PRCP: variants seen among roughly 807,000 people sequenced by gnomAD.
PRCP encodes lysosomal Pro-X carboxypeptidase.
In PRCP, 46 loss-of-function variants were observed where a neutral mutation model predicts 54.2. The observed-to-expected ratio is 0.85, with a 90% CI of 0.67 to 1.09. The LOEUF (loss-of-function observed/expected upper bound fraction) is 1.09. Among genes scored for constraint, PRCP ranks in the 50% least tolerant of loss-of-function variants. The probability of loss-of-function intolerance (pLI) is 0.00; values close to 1 mark genes in which losing one functional copy is unlikely to be tolerated. For missense variants in PRCP, 613 were observed against 596.8 expected, an observed-to-expected ratio of 1.03 and a Z score of -0.28; for synonymous variants, 240 against 212.2, an observed-to-expected ratio of 1.13 and a Z score of -1.14.
At chr11:82,826,621 A>G (rs967780504) in intron 8 of PRCP, 1 of 152,174 alleles carries the variant, frequency 6.6e-6, no homozygotes, top group Non-Finnish European at 1.5e-5. Flanking sequence ...ACTTATTATT[A>G]TCTGTCTATT....
intron 1 of PRCP, among the ~76,000 whole-genome samples, chr11:82,880,101 C>T (rs1363404120): frequency 6.6e-6 from 1 of 152,244 alleles, no homozygotes; most frequent in Admixed American, 6.5e-5. Flanking sequence ...GAAGTTTCTG[C>T]TGCCTTTTGT....
At chr11:82,853,315 A>G (rs17144337) in intron 2 of PRCP, 37 bp from the exon 3 acceptor site, 84,508 of 1,554,818 alleles carry the variant, frequency 0.054, 5,336 homozygotes, top group African/African-American at 0.3. Context: ...ATAAAATCAG[A>G]ATGTGAAAAA....
In PRCP at chr11:82,850,416, T is replaced by A; in HGVS notation, c.501A>T (p.Gly167=). Reference sequence around the variant, plus strand: ...TGGCAATGACAGGTTGATTTTCAGCTCCTGGGATTGTTCTTTTCAAGTGTT... The same window carrying A: ...TGGCAATGACAGGTTGATTTTCAGCACCTGGGATTGTTCTTTTCAAGTGTT... ...LIKHLKRTIP[G]AENQPVIAIG... is the part of the protein sequence containing the mutation. Residue 167 remains glycine, a synonymous_variant, in exon 4 of 9, where the codon GGA becomes GGT. Coordinates refer to ENST00000313010, the MANE Select transcript of PRCP (RefSeq NM_005040.4). 6 of 1,607,414 alleles carry A rather than the reference T, an allele frequency of 3.7e-6. No individual in the cohort carries two copies. Among genetic ancestry groups the A allele is most frequent in the Non-Finnish European group, 5.1e-6 (6 of 1,176,364 alleles).
chr11:82,838,747 A>T (rs1591040289), intron 7 of PRCP, among the ~76,000 whole-genome samples, 173 bp from the exon 8 acceptor site: 1 of 152,340 alleles, frequency 6.6e-6, no homozygotes, highest in East Asian at 1.9e-4. Context: ...CATTATTCTT[A>T]AAAAGACTTG....
intron 1 of PRCP, among the ~76,000 whole-genome samples, chr11:82,864,417 C>T (rs1346035675): frequency 1.3e-5 from 2 of 152,224 alleles, no homozygotes; most frequent in Non-Finnish European, 2.9e-5. Context: ...CCACGTGCCA[C>T]TCCCTGTTCT....
intron 1 of PRCP, among the ~76,000 whole-genome samples, chr11:82,875,846 C>T (rs1413143896): frequency 2.0e-5 from 3 of 152,170 alleles, no homozygotes; most frequent in Non-Finnish European, 4.4e-5. Context: ...TGGCACCCTG[C>T]TCACCTCTTT....
rs142029185 is a variant in PRCP at position 82,839,424 on chromosome 11, A to G, written c.923T>C (p.Val308Ala). ...LQPLPAWPIKVVCQYLKNPNV... is the reference protein window; with the variant it reads ...LQPLPAWPIKAVCQYLKNPNV... Reference sequence around the variant, plus strand: ...GGGATTTTTCAAATACTGGCACACTACCTGTCATTTTAGAAAGATAAATGG... The same window carrying G: ...GGGATTTTTCAAATACTGGCACACTGCCTGTCATTTTAGAAAGATAAATGG... Residue 308 changes from valine (V) to alanine (A), a missense_variant and splice_region_variant, in exon 7 of 9, where the codon GTA becomes GCA. By Grantham distance (64) the Val-to-Ala change is moderately conservative. Transcript: ENST00000313010. 16 of 1,608,434 alleles carry G rather than the reference A, an allele frequency of 9.9e-6. No individual in the cohort carries two copies. Among genetic ancestry groups the G allele is most frequent in the Middle Eastern group, 1.7e-4 (1 of 5,744 alleles).
chr11:82,900,444 G>A (rs1860251615), upstream of PRCP: 1 of 1,598,638 alleles, frequency 6.3e-7, no homozygotes, highest in Admixed American at 1.7e-5. Context: ...AGGGCGAAAA[G>A]GAGGCCAGCA....
intron 1 of PRCP, among the ~76,000 whole-genome samples, chr11:82,872,285 T>C (rs1591063133): frequency 6.6e-6 from 1 of 152,144 alleles, no homozygotes; most frequent in Admixed American, 6.6e-5. Flanking sequence ...CTACTTTAAA[T>C]TGAAAGTCAT....
rs142106089 is a variant in PRCP, at chr11:82,856,353, T to C, written c.310-3075A>G. Reference sequence around the variant, plus strand: ...TACGTAGCCATTAAAAAGAACAAAATAATATCCTTTGCAGTAACATGGATG... The same window carrying C: ...TACGTAGCCATTAAAAAGAACAAAACAATATCCTTTGCAGTAACATGGATG... On this transcript the variant is annotated intron_variant, in intron 2 of 8. Coordinates refer to ENST00000313010, the MANE Select transcript of PRCP (RefSeq NM_005040.4). Among the ~76,000 whole-genome samples, 515 of 152,128 alleles carry C rather than the reference T, an allele frequency of 3.4e-3. 7 individuals carry two copies. Among genetic ancestry groups the C allele is most frequent in the African/African-American group, 0.012 (493 of 41,502 alleles).
At chr11:82,855,265 T>C (rs1294980737) in intron 2 of PRCP, among the ~76,000 whole-genome samples, 1 of 152,052 alleles carries the variant, frequency 6.6e-6, no homozygotes, top group Admixed American at 6.5e-5. Context: ...TGAGAGAAAA[T>C]ATTTGCAAAC....
intron 6 of PRCP, among the ~76,000 whole-genome samples, chr11:82,841,823 T>A (rs1356484695): frequency 6.6e-6 from 1 of 152,192 alleles, no homozygotes; most frequent in African/African-American, 2.4e-5. Flanking sequence ...CTAGGAAATA[T>A]GTCAATAAGA....
At chr11:82,890,376 T>A (rs1218752610) in intron 1 of PRCP, among the ~76,000 whole-genome samples, 2 of 152,208 alleles carry the variant, frequency 1.3e-5, no homozygotes, top group African/African-American at 4.8e-5. Context: ...CCTTCTTACC[T>A]TCATCTGTGC....
At chr11:82,881,176 G>C (rs1048392583) in intron 1 of PRCP, among the ~76,000 whole-genome samples, 1 of 152,214 alleles carries the variant, frequency 6.6e-6, no homozygotes, top group Non-Finnish European at 1.5e-5. Context: ...GTGGGTCATA[G>C]TGTTTTTCTT....
At chr11:82,878,952 G>A (rs115073626) in intron 1 of PRCP, among the ~76,000 whole-genome samples, 4,048 of 152,208 alleles carry the variant, frequency 0.027, 171 homozygotes, top group African/African-American at 0.091. Context: ...CTTTCTCTCC[G>A]GCTACCCTTA....
At chr11:82,860,395 A>G (rs1169934871) in intron 1 of PRCP, among the ~76,000 whole-genome samples, 1 of 152,098 alleles carries the variant, frequency 6.6e-6, no homozygotes, top group Admixed American at 6.5e-5. Flanking sequence ...ACTTAAAAAC[A>G]TAATGTTAAA....
chr11:82,883,348 G>A (rs909427556), intron 1 of PRCP, among the ~76,000 whole-genome samples: 6 of 152,140 alleles, frequency 3.9e-5, no homozygotes, highest in Admixed American at 3.3e-4. Flanking sequence ...GGGAGAGAAA[G>A]GAGGAAGACA....
chr11:82,877,470 T>C (rs536141929), intron 1 of PRCP, among the ~76,000 whole-genome samples: 5 of 152,250 alleles, frequency 3.3e-5, no homozygotes. Flanking sequence ...AGTGGTTACG[T>C]GGGCTGAGCC....
At chr11:82,825,863 T>C (rs1314140173) in intron 8 of PRCP, 1 of 152,186 alleles carries the variant, frequency 6.6e-6, no homozygotes, top group Non-Finnish European at 1.5e-5. Context: ...TTCAGAATAA[T>C]GTAAAGAGAA....
Sources: gnomAD v4.1 joint callset for allele counts (sites outside exome capture counted in the v4.1 genomes callset) on GRCh38, gnomAD v4.1.1 for gene constraint, MANE v1.5 for transcripts, NCBI Gene and HGNC (gene_info 2026-07-23, HGNC 2026-07-21) for gene names.